Variants in KCND2 observed in about 807,000 individuals in gnomAD.
KCND2 encodes potassium voltage-gated channel subfamily D member 2.
A neutral mutation model predicts 54.4 loss-of-function variants in KCND2; 16 were observed. The observed-to-expected ratio is 0.29, with a 90% CI of 0.20 to 0.45. The LOEUF (loss-of-function observed/expected upper bound fraction) is 0.45, where lower values mean the gene tolerates loss of function less well. KCND2 is among the 20% of genes least tolerant of loss of function. The pLI is 1.00. For missense variants in KCND2, 486 were observed against 824.2 expected, an observed-to-expected ratio of 0.59 and a Z score of 5.02; for synonymous variants, 317 against 310.7, an observed-to-expected ratio of 1.02 and a Z score of -0.21.
At chr7:120,366,331 A>C (rs1293632167) in intron 1 of KCND2, among the ~76,000 whole-genome samples, 1 of 151,978 alleles carries the variant, frequency 6.6e-6, no homozygotes, top group Non-Finnish European at 1.5e-5. Flanking sequence ...TTGAAAATAC[A>C]AAAAATAGCT....
chr7:120,651,675 G>A (rs1295365458), intron 1 of KCND2, among the ~76,000 whole-genome samples: 1 of 152,182 alleles, frequency 6.6e-6, no homozygotes, highest in East Asian at 1.9e-4. Context: ...ATCTCGGTTG[G>A]AAATGCGGAA....
chr7:120,677,873 G>A (rs1792086392), intron 1 of KCND2, among the ~76,000 whole-genome samples: 1 of 152,036 alleles, frequency 6.6e-6, no homozygotes, highest in Non-Finnish European at 1.5e-5. Flanking sequence ...TTTAAAAGGA[G>A]ATTCAAGCTT....
At chr7:120,363,976 T>G (rs1265379145) in intron 1 of KCND2, among the ~76,000 whole-genome samples, 1 of 152,150 alleles carries the variant, frequency 6.6e-6, no homozygotes, top group Non-Finnish European at 1.5e-5. Context: ...CTCACTTGGC[T>G]TAATCTCATC....
intron 1 of KCND2, among the ~76,000 whole-genome samples, chr7:120,579,646 A>AAAT (rs1242051430): frequency 1.4e-4 from 19 of 137,718 alleles, no homozygotes; most frequent in East Asian, 1.2e-3. Context: ...ATAAATAAAT[A>AAAT]AAATAAAATA....
intron 1 of KCND2, among the ~76,000 whole-genome samples, chr7:120,357,964 G>T (rs1444710387): frequency 6.6e-6 from 1 of 152,138 alleles, no homozygotes; most frequent in African/African-American, 2.4e-5. Context: ...ACACAGTTCA[G>T]TCTGTAATTG....
intron 1 of KCND2, among the ~76,000 whole-genome samples, chr7:120,676,667 T>A (rs891925660): frequency 6.6e-6 from 1 of 152,226 alleles, no homozygotes; most frequent in African/African-American, 2.4e-5. Flanking sequence ...AGTTATGAAG[T>A]GAACAAAAGT....
chr7:120,472,917 C>T (rs1802479834), intron 1 of KCND2, among the ~76,000 whole-genome samples: 1 of 152,180 alleles, frequency 6.6e-6, no homozygotes. Flanking sequence ...GAATTGTGAG[C>T]AGTTAATAAA....
At chr7:120,675,364 A>G (rs1277475388) in intron 1 of KCND2, among the ~76,000 whole-genome samples, 2 of 151,468 alleles carry the variant, frequency 1.3e-5, no homozygotes. Context: ...AGCTGGGATT[A>G]CAGGTATGCA....
chr7:120,720,546 A>G (rs1303163068), intron 1 of KCND2, among the ~76,000 whole-genome samples: 1 of 152,114 alleles, frequency 6.6e-6, no homozygotes, highest in African/African-American at 2.4e-5. Context: ...GCCAGTGGAA[A>G]GCACTGGCAG....
chr7:120,679,985 G>A (rs927584095), intron 1 of KCND2, among the ~76,000 whole-genome samples: 3 of 152,110 alleles, frequency 2.0e-5, no homozygotes, highest in African/African-American at 7.2e-5. Context: ...GTCAGAGACG[G>A]TTTAGACTTG....
intron 1 of KCND2, among the ~76,000 whole-genome samples, chr7:120,362,325 A>G (rs1800603572): frequency 6.6e-6 from 1 of 152,108 alleles, no homozygotes. Context: ...ATCTGAGACT[A>G]TCTTACTGGT....
chr7:120,685,713 A>G (rs1375815710), intron 1 of KCND2, among the ~76,000 whole-genome samples: 1 of 146,380 alleles, frequency 6.8e-6, no homozygotes, highest in Non-Finnish European at 1.5e-5. Flanking sequence ...TTTGTTTTAC[A>G]TAAGGGAGAA....
chr7:120,306,936 G>T (rs1431152780), intron 1 of KCND2, among the ~76,000 whole-genome samples: 1 of 152,020 alleles, frequency 6.6e-6, no homozygotes, highest in Non-Finnish European at 1.5e-5. Flanking sequence ...TCTGGCAAAA[G>T]ATAAGATATT....
intron 1 of KCND2, among the ~76,000 whole-genome samples, chr7:120,602,081 A>G (rs569820532): frequency 1.6e-4 from 24 of 152,346 alleles, no homozygotes; most frequent in African/African-American, 5.5e-4. Context: ...GCAGACTTCC[A>G]TACCAACTGA....
chr7:120,542,810 C>T (rs952591324), intron 1 of KCND2, among the ~76,000 whole-genome samples: 2 of 152,110 alleles, frequency 1.3e-5, no homozygotes, highest in African/African-American at 2.4e-5. Context: ...TTAACAATTC[C>T]TTGCATTACA....
intron 1 of KCND2, among the ~76,000 whole-genome samples, chr7:120,710,032 A>C (rs966947134): frequency 6.6e-6 from 1 of 152,186 alleles, no homozygotes; most frequent in Non-Finnish European, 1.5e-5. Context: ...TGAGGCCTTT[A>C]TGAGCTTACA....
chr7:120,278,496 G>T (rs1200933391), intron 1 of KCND2, among the ~76,000 whole-genome samples: 3 of 150,994 alleles, frequency 2.0e-5, no homozygotes, highest in Non-Finnish European at 1.5e-5. Context: ...GTAAACAGTG[G>T]TTATTGAAAG....
At chr7:120,289,564 C>A (rs1799405410) in intron 1 of KCND2, among the ~76,000 whole-genome samples, 1 of 151,972 alleles carries the variant, frequency 6.6e-6, no homozygotes, top group Admixed American at 6.6e-5. Context: ...ATCTCATGTC[C>A]CTTTTCAGGT....
intron 1 of KCND2, among the ~76,000 whole-genome samples, chr7:120,469,040 A>G (rs1802417859): frequency 1.3e-5 from 2 of 151,744 alleles, no homozygotes; most frequent in East Asian, 1.9e-4. Flanking sequence ...CACACACACA[A>G]CACAGTACCT....
Sources: allele counts gnomAD v4.1 joint callset (sites outside exome capture counted in the v4.1 genomes callset), GRCh38; gene constraint gnomAD v4.1.1; transcripts MANE v1.5; gene names NCBI Gene and HGNC (gene_info 2026-07-23, HGNC 2026-07-21).